The following EXOC4 variants were observed in gnomAD, a reference collection of about 807,000 sequenced individuals.
EXOC4 encodes exocyst complex component 4.
EXOC4 carries 71 observed loss-of-function variants against 107.2 expected under a neutral mutation model. That is an observed-to-expected ratio of 0.66 (90% CI 0.55 to 0.81). EXOC4 has a LOEUF of 0.81. EXOC4 is among the 30% of genes least tolerant of loss of function. The pLI is 0.00. For missense variants in EXOC4, 1,108 were observed against 1,189.6 expected (o/e 0.93, Z 1.01); for synonymous variants, 456 against 441.2 (o/e 1.03, Z -0.42).
intron 11 of EXOC4, among the ~76,000 whole-genome samples, chr7:133,825,125 G>A (rs895143562): frequency 6.6e-6 from 1 of 151,490 alleles, no homozygotes; most frequent in South Asian, 2.1e-4. Flanking sequence ...CAAGGTGGGG[G>A]TATTGCTTGA....
At chr7:134,030,955 A>G (rs894180241) in intron 17 of EXOC4, among the ~76,000 whole-genome samples, 1 of 152,068 alleles carries the variant, frequency 6.6e-6, no homozygotes, top group Non-Finnish European at 1.5e-5. Context: ...CTGATCTCCT[A>G]CAACATACAA....
At chr7:133,829,948 C>G (rs558260672) in intron 11 of EXOC4, among the ~76,000 whole-genome samples, 1 of 152,264 alleles carries the variant, frequency 6.6e-6, no homozygotes, top group East Asian at 1.9e-4. Flanking sequence ...ATCTAGGCTT[C>G]TAGTTTCCCT....
At chr7:133,316,806 A>G (rs1048157385) in intron 4 of EXOC4, among the ~76,000 whole-genome samples, 1 of 152,230 alleles carries the variant, frequency 6.6e-6, no homozygotes, top group Admixed American at 6.5e-5. Context: ...AACTGAATGT[A>G]GTAAACTTCC....
intron 5 of EXOC4, among the ~76,000 whole-genome samples, chr7:133,321,516 G>A (rs1466039387): frequency 6.6e-6 from 1 of 152,064 alleles, no homozygotes; most frequent in East Asian, 1.9e-4. Flanking sequence ...GAGAACATGA[G>A]GTGTTTGGTT....
intron 9 of EXOC4, among the ~76,000 whole-genome samples, chr7:133,564,125 A>G (rs1800861191): frequency 6.6e-6 from 1 of 152,134 alleles, no homozygotes; most frequent in Non-Finnish European, 1.5e-5. Context: ...AATACATGAG[A>G]CTGTGTGATT....
At chr7:133,336,719 ATTTTATTTATTTTATTTTATT>A (rs1329899339) in intron 5 of EXOC4, among the ~76,000 whole-genome samples, 1 of 86,418 alleles carries the variant, frequency 1.2e-5, no homozygotes, top group Admixed American at 1.3e-4. Flanking sequence ...ATTTTATTTT[ATTTTATTTATTTTATTTTATT>A]TTATTTTACT....
At chr7:133,869,841 A>G (rs904673559) in intron 11 of EXOC4, among the ~76,000 whole-genome samples, 2 of 152,188 alleles carry the variant, frequency 1.3e-5, no homozygotes, top group East Asian at 1.9e-4. Context: ...TTCTCTTTCC[A>G]ATTATAAGTG....
chr7:133,696,035 T>C (rs1794526196), intron 10 of EXOC4, among the ~76,000 whole-genome samples: 1 of 152,224 alleles, frequency 6.6e-6, no homozygotes, highest in African/African-American at 2.4e-5. Context: ...AATAAAACAT[T>C]TTACTGATCA....
intron 10 of EXOC4, among the ~76,000 whole-genome samples, chr7:133,761,116 A>G (rs1796023801): frequency 6.6e-6 from 1 of 152,226 alleles, no homozygotes; most frequent in African/African-American, 2.4e-5. Flanking sequence ...CTGGGGCTTC[A>G]GCCTTCCCTA....
intron 14 of EXOC4, among the ~76,000 whole-genome samples, chr7:133,938,776 A>G (rs1800361857): frequency 6.6e-6 from 1 of 152,202 alleles, no homozygotes; most frequent in African/African-American, 2.4e-5. Flanking sequence ...AGAAAACATG[A>G]TATGAAGAAG....
rs115810257 is a variant in EXOC4 at position 133,980,980 on chromosome 7, C to T, written c.2207-16512C>T. On this transcript the variant is annotated intron_variant, in intron 14 of 17. Transcript: ENST00000253861. ...TGCACAGGGACTGTCTGACACCAGA[C>T]AGATTAAAGGGGAGGTACTTAACTA... Among the ~76,000 whole-genome samples the T allele has an allele frequency of 5.2e-3, 788 of 152,292 alleles. 8 individuals are homozygous for T. The highest frequency in any genetic ancestry group is 0.018 in the African/African-American group (745 of 41,560).
chr7:133,651,635 C>A (rs1803155245), intron 10 of EXOC4, among the ~76,000 whole-genome samples: 1 of 152,116 alleles, frequency 6.6e-6, no homozygotes, highest in South Asian at 2.1e-4. Flanking sequence ...GGACTTTTAT[C>A]TGATATTAGA....
intron 6 of EXOC4, among the ~76,000 whole-genome samples, chr7:133,365,509 G>A (rs980854250): frequency 3.9e-5 from 6 of 152,124 alleles, no homozygotes; most frequent in African/African-American, 7.2e-5. Context: ...GAGTAACACA[G>A]GAAGGAAGTG....
chr7:134,019,988 T>C (rs902417740), intron 17 of EXOC4, among the ~76,000 whole-genome samples: 3 of 152,124 alleles, frequency 2.0e-5, no homozygotes, highest in African/African-American at 7.2e-5. Context: ...ATGCTGCTTG[T>C]GGGTCTTCTG....
At chr7:134,079,342 G>A in the EXOC4 span, among the ~76,000 whole-genome samples, 1 of 152,114 alleles carries the variant, frequency 6.6e-6, no homozygotes, top group Non-Finnish European at 1.5e-5. Context: ...AGTTCTGCAT[G>A]CATTCTGGGT....
chr7:133,787,291 C>A (rs1325178670), intron 10 of EXOC4, among the ~76,000 whole-genome samples: 1 of 150,948 alleles, frequency 6.6e-6, no homozygotes, highest in East Asian at 2.0e-4. Context: ...CTCAGCCTCC[C>A]AAGTAGCTGG....
At chr7:133,779,577 T>A (rs1796416673) in intron 10 of EXOC4, among the ~76,000 whole-genome samples, 1 of 152,142 alleles carries the variant, frequency 6.6e-6, no homozygotes, top group Non-Finnish European at 1.5e-5. Flanking sequence ...CTTGGAGAAA[T>A]TTTCTGTAGC....
At chr7:134,037,380 A>G (rs1795414525) in intron 17 of EXOC4, among the ~76,000 whole-genome samples, 1 of 152,232 alleles carries the variant, frequency 6.6e-6, no homozygotes, top group Admixed American at 6.5e-5. Flanking sequence ...AAGAAATCAG[A>G]TGATCAAAAA....
chr7:133,898,984 TA>T (rs1320391711), intron 12 of EXOC4, among the ~76,000 whole-genome samples: 1 of 151,416 alleles, frequency 6.6e-6, no homozygotes, highest in Non-Finnish European at 1.5e-5. Flanking sequence ...TCTCAAAAAA[TA>T]AAAAATAAAA....
Sources: gnomAD v4.1 joint callset for allele counts (sites outside exome capture counted in the v4.1 genomes callset) on GRCh38, gnomAD v4.1.1 for gene constraint, MANE v1.5 for transcripts, NCBI Gene and HGNC (gene_info 2026-07-23, HGNC 2026-07-21) for gene names.